CHEK2: variants seen among roughly 807,000 people sequenced by gnomAD.
The protein encoded by CHEK2 is checkpoint kinase 2, also known as serine/threonine-protein kinase Chk2.
CHEK2 carries 71 observed loss-of-function variants against 69.1 expected under a neutral mutation model. The observed-to-expected ratio is 1.03, with a 90% CI of 0.85 to 1.25. CHEK2 has a LOEUF of 1.25. Ranked by LOEUF, CHEK2 falls within the 50% of genes most tolerant of loss-of-function variation. The pLI, the probability that CHEK2 is intolerant of heterozygous loss-of-function variation, is 0.00. For synonymous variants in CHEK2, 189 were observed against 226.9 expected, an observed-to-expected ratio of 0.83 and a Z score of 1.50; for missense variants, 664 against 649.6, an observed-to-expected ratio of 1.02 and a Z score of -0.24.
chr22:28,696,248 T>C (rs572656297), intron 10 of CHEK2, among the ~76,000 whole-genome samples: 7 of 152,336 alleles, frequency 4.6e-5, no homozygotes, highest in African/African-American at 1.4e-4. Flanking sequence ...TGGAAACACA[T>C]GCTTATACCT....
chr22:28,705,925 A>G (rs540383825), intron 7 of CHEK2, among the ~76,000 whole-genome samples: 1 of 151,672 alleles, frequency 6.6e-6, no homozygotes, highest in African/African-American at 2.4e-5. Context: ...CCTGGGCAAC[A>G]AGAGTGAAAC....
At chr22:28,724,446 T>A (rs775734400) in intron 4 of CHEK2, 1 of 196,546 alleles carries the variant, frequency 5.1e-6, no homozygotes, top group Non-Finnish European at 1.1e-5. Context: ...AAAAACAGTA[T>A]ATGGCATTAC....
At chr22:28,698,578 C>A (rs2052687680) in intron 9 of CHEK2, among the ~76,000 whole-genome samples, 2 of 152,130 alleles carry the variant, frequency 1.3e-5, no homozygotes, top group Non-Finnish European at 2.9e-5. Context: ...TTCTCTCGAT[C>A]CTCACTCTGT....
intron 8 of CHEK2, among the ~76,000 whole-genome samples, chr22:28,702,427 A>T (rs1431086858): frequency 1.3e-5 from 2 of 150,098 alleles, no homozygotes; most frequent in East Asian, 2.0e-4. Context: ...TTTAGTAGAG[A>T]CAGGGTTTCA....
At chr22:28,700,325 C>T (rs1412918253) in intron 8 of CHEK2, among the ~76,000 whole-genome samples, 1 of 151,442 alleles carries the variant, frequency 6.6e-6, no homozygotes, top group Non-Finnish European at 1.5e-5. Context: ...GATTCTCATG[C>T]CTTAGCCTCC....
At chr22:28,704,247 A>T (rs2053019265) in intron 7 of CHEK2, among the ~76,000 whole-genome samples, 1 of 151,922 alleles carries the variant, frequency 6.6e-6, no homozygotes, top group Non-Finnish European at 1.5e-5. Flanking sequence ...TGCACATTTT[A>T]AAATGCCTAT....
chr22:28,710,614 A>G (rs1454655850), intron 6 of CHEK2, among the ~76,000 whole-genome samples: 1 of 152,222 alleles, frequency 6.6e-6, no homozygotes, highest in African/African-American at 2.4e-5. Flanking sequence ...AGACTCTGAC[A>G]AGAGGAGGCT....
chr22:28,716,261 A>G (rs1301897609), intron 5 of CHEK2, among the ~76,000 whole-genome samples: 1 of 146,058 alleles, frequency 6.8e-6, no homozygotes, highest in Non-Finnish European at 1.5e-5. Flanking sequence ...CAGTGGCGTG[A>G]TCTCAGCTCA....
chr22:28,703,628 A>C, intron 7 of CHEK2, 62 bp from the exon 8 acceptor site: 3 of 1,034,560 alleles, frequency 2.9e-6, no homozygotes, highest in Admixed American at 2.0e-5. Context: ...AAACCACAAG[A>C]GCTTAGAACA....
intron 8 of CHEK2, among the ~76,000 whole-genome samples, chr22:28,703,094 C>A (rs967916837): frequency 6.6e-6 from 1 of 152,154 alleles, no homozygotes; most frequent in African/African-American, 2.4e-5. Flanking sequence ...ATGGTGAGTA[C>A]ACACATGTGC....
At chr22:28,696,663 C>T (rs1303786199) in intron 10 of CHEK2, among the ~76,000 whole-genome samples, 2 of 152,148 alleles carry the variant, frequency 1.3e-5, no homozygotes, top group African/African-American at 4.8e-5. Flanking sequence ...CCAGCCCACT[C>T]GTCCATTTAG....
At chr22:28,690,564 GT>G (rs2052322130) in intron 13 of CHEK2, among the ~76,000 whole-genome samples, 1 of 150,488 alleles carries the variant, frequency 6.6e-6, no homozygotes, top group Non-Finnish European at 1.5e-5. Flanking sequence ...AGAGGCGGAG[GT>G]TGCAGTAAGC....
intron 8 of CHEK2, among the ~76,000 whole-genome samples, chr22:28,702,338 A>G (rs1449557349): frequency 6.6e-6 from 1 of 150,596 alleles, no homozygotes; most frequent in Non-Finnish European, 1.5e-5. Flanking sequence ...TCCTGGGTTC[A>G]CGCCATTCTC....
chr22:28,696,817 C>T (rs113872399), intron 10 of CHEK2, 84 bp downstream of exon 10: 13 of 872,670 alleles, frequency 1.5e-5, no homozygotes, highest in African/African-American at 3.3e-5. Flanking sequence ...ATCCTTTTTA[C>T]GCTCCCACTT....
At chr22:28,723,021 T>A (rs935155221) in intron 4 of CHEK2, among the ~76,000 whole-genome samples, 12 of 152,226 alleles carry the variant, frequency 7.9e-5, no homozygotes. Flanking sequence ...ATGGTTTCTT[T>A]AACTAAAGAA....
Position 28,695,760 on chromosome 22 carries a change from C to T in CHEK2, c.1209G>A (p.Gly403=), listed in dbSNP as rs1350419049. The change falls in exon 11 of 15, where the codon GGG becomes GGA. Residue 403 remains glycine, a synonymous_variant. Coordinates refer to ENST00000404276, the MANE Select transcript of CHEK2 (RefSeq NM_007194.4). The part of the protein sequence containing the change: ...PEVLVSVGTA[G]YNRAVDCWSL... ...TCCAGCAGTCCACAGCACGGTTATA[C>T]CCAGCAGTCCCAACAGAAACAAGAA... 2 of 1,613,784 alleles carry T rather than the reference C, an allele frequency of 1.2e-6. No individual in the cohort carries two copies. The highest frequency in any genetic ancestry group is 3.3e-5 in the Admixed American group (2 of 60,018).
chr22:28,730,428 C>A, intron 2 of CHEK2: 1 of 671,026 alleles, frequency 1.5e-6, no homozygotes, highest in Non-Finnish European at 2.7e-6. Context: ...ACTTAGACTG[C>A]AAACTGGCCG....
chr22:28,718,842 A>G (rs867274746), intron 5 of CHEK2, among the ~76,000 whole-genome samples: 3 of 151,230 alleles, frequency 2.0e-5, no homozygotes, highest in South Asian at 2.1e-4. Flanking sequence ...AGATCGTACC[A>G]CTGCACTCCA....
At chr22:28,731,520 C>A (rs1347771494) in intron 2 of CHEK2, among the ~76,000 whole-genome samples, 3 of 151,684 alleles carry the variant, frequency 2.0e-5, no homozygotes, top group Admixed American at 6.6e-5. Flanking sequence ...GGCTTCAACC[C>A]AGGAGATTGA....
Sources: allele counts gnomAD v4.1 joint callset (sites outside exome capture counted in the v4.1 genomes callset), GRCh38; gene constraint gnomAD v4.1.1; transcripts MANE v1.5; gene names NCBI Gene and HGNC (gene_info 2026-07-23, HGNC 2026-07-21).